GPC5: variants seen among roughly 807,000 people sequenced by gnomAD.
GPC5 encodes glypican 5, also known as glypican-5.
GPC5 carries 47 observed loss-of-function variants against 53.9 expected under a neutral mutation model. The ratio of observed to expected loss-of-function variants is 0.87; its 90% confidence interval spans 0.69 to 1.11. GPC5 has a LOEUF of 1.11. GPC5 is among the 50% of genes most tolerant of loss of function. The probability of loss-of-function intolerance (pLI) is 0.00; values close to 1 mark genes in which losing one functional copy is unlikely to be tolerated. For missense variants in GPC5, 748 were observed against 713.1 expected (o/e 1.05, Z -0.56); for synonymous variants, 286 against 263.3 (o/e 1.09, Z -0.84).
At chr13:92,520,157 A>C (rs1025887282) in intron 7 of GPC5, among the ~76,000 whole-genome samples, 6 of 152,214 alleles carry the variant, frequency 3.9e-5, no homozygotes, top group Non-Finnish European at 8.8e-5. Flanking sequence ...AACCAAAAAA[A>C]GTCCAGAACC....
At chr13:92,424,312 G>T (rs1248691744) in intron 7 of GPC5, among the ~76,000 whole-genome samples, 1 of 151,784 alleles carries the variant, frequency 6.6e-6, no homozygotes. Flanking sequence ...ATTAACATGG[G>T]TAGTATTTTA....
Position 92,192,441 on chromosome 13 carries a change from G to A in GPC5, c.1561+47452G>A, listed in dbSNP as rs1485376114. Among the ~76,000 whole-genome samples the A allele has an allele frequency of 2.6e-5, 4 of 152,150 alleles. No individual in the cohort carries two copies. The South Asian group carries it at 8.3e-4, about 32-fold the overall frequency. On this transcript the variant is annotated intron_variant, in intron 7 of 7. Coordinates refer to ENST00000377067, the MANE Select transcript of GPC5 (RefSeq NM_004466.6). Reference sequence around the variant, plus strand: ...ATACATATGGAGCTCATTTTTCAAGGAAATTATCCAACATTTTATGGACTA... The same window carrying A: ...ATACATATGGAGCTCATTTTTCAAGAAAATTATCCAACATTTTATGGACTA...
In GPC5 at chr13:91,920,460, A is replaced by G. The variant is rs369030893; in HGVS notation, c.1401+12403A>G. Among the ~76,000 whole-genome samples, 50 of 152,318 alleles carry G rather than the reference A, an allele frequency of 3.3e-4. 2 individuals are homozygous for G. In the East Asian group the frequency reaches 7.7e-3, roughly 23 times the overall value. ...TGTTGGAGAACAGAACTAAACTAAT[A>G]AAGAGAATGAATTTATCAAGTAAGT... On this transcript the variant is annotated intron_variant, in intron 6 of 7. Coordinates refer to ENST00000377067, the MANE Select transcript of GPC5 (RefSeq NM_004466.6).
At chr13:92,754,024 T>C (rs777780694) in intron 7 of GPC5, among the ~76,000 whole-genome samples, 4 of 152,074 alleles carry the variant, frequency 2.6e-5, no homozygotes, top group Admixed American at 6.5e-5. Context: ...AGACACATAA[T>C]TGTCAGATTC....
intron 7 of GPC5, among the ~76,000 whole-genome samples, chr13:92,830,266 C>G (rs148328110): frequency 6.6e-6 from 1 of 151,888 alleles, no homozygotes; most frequent in African/African-American, 2.4e-5. Flanking sequence ...TCTATCATAG[C>G]CAAAAATAAA....
chr13:92,203,136 CTTTTCA>C (rs1471228741), intron 7 of GPC5, among the ~76,000 whole-genome samples: 1 of 152,082 alleles, frequency 6.6e-6, no homozygotes, highest in East Asian at 1.9e-4. Context: ...ATTTTGCACA[CTTTTCA>C]TTTACTTTAA....
At chr13:92,738,686 T>G (rs1448658232) in intron 7 of GPC5, among the ~76,000 whole-genome samples, 1 of 152,116 alleles carries the variant, frequency 6.6e-6, no homozygotes, top group African/African-American at 2.4e-5. Context: ...TTTTAAATTT[T>G]CCTCAGGTTA....
chr13:92,282,540 G>A (rs1244671181), intron 7 of GPC5, among the ~76,000 whole-genome samples: 1 of 152,158 alleles, frequency 6.6e-6, no homozygotes, highest in Non-Finnish European at 1.5e-5. Flanking sequence ...CAGACTAACA[G>A]CGGATCTTTT....
Position 91,533,539 on chromosome 13 carries a change from G to C in GPC5, c.325+84617G>C, listed in dbSNP as rs1048936187. Among the ~76,000 whole-genome samples the C allele has an allele frequency of 2.6e-5, 4 of 152,122 alleles. No individual in the cohort carries two copies. The South Asian group carries it at 6.2e-4, about 24-fold the overall frequency. Reference sequence around the variant, plus strand: ...CTTTGGCCTTGTGGAACAGACAGTGGCGGGGAAGATAGATAATGAACAGCA... The same window carrying C: ...CTTTGGCCTTGTGGAACAGACAGTGCCGGGGAAGATAGATAATGAACAGCA... On this transcript the variant is annotated intron_variant, in intron 2 of 7. Coordinates refer to ENST00000377067, the MANE Select transcript of GPC5 (RefSeq NM_004466.6).
intron 7 of GPC5, among the ~76,000 whole-genome samples, chr13:92,673,941 A>G (rs1372714121): frequency 6.6e-6 from 1 of 152,202 alleles, no homozygotes; most frequent in Non-Finnish European, 1.5e-5. Context: ...TTGTAAAAAA[A>G]TGTTGATATT....
At chr13:92,131,769 G>T (rs540729804) in intron 6 of GPC5, among the ~76,000 whole-genome samples, 1 of 151,758 alleles carries the variant, frequency 6.6e-6, no homozygotes, top group African/African-American at 2.4e-5. Flanking sequence ...GTTTTTCCAT[G>T]TATATGAACC....
intron 7 of GPC5, among the ~76,000 whole-genome samples, chr13:92,604,482 G>A (rs923285960): frequency 6.6e-6 from 1 of 152,100 alleles, no homozygotes; most frequent in Admixed American, 6.5e-5. Context: ...GCCCTGTCTG[G>A]GCACCTAGAA....
At chr13:92,501,108 C>T (rs1317910590) in intron 7 of GPC5, among the ~76,000 whole-genome samples, 1 of 152,020 alleles carries the variant, frequency 6.6e-6, no homozygotes, top group Non-Finnish European at 1.5e-5. Context: ...AGGAAAATAA[C>T]ATCCCACATA....
chr13:91,640,328 A>C (rs1269677903), intron 2 of GPC5, among the ~76,000 whole-genome samples: 1 of 152,190 alleles, frequency 6.6e-6, no homozygotes, highest in Non-Finnish European at 1.5e-5. Flanking sequence ...AAAAGACATG[A>C]CAGATACTTC....
intron 7 of GPC5, among the ~76,000 whole-genome samples, chr13:92,484,169 A>C (rs1879466852): frequency 6.6e-6 from 1 of 152,054 alleles, no homozygotes; most frequent in Non-Finnish European, 1.5e-5. Context: ...CTGGGCCTGC[A>C]CAAGGTCAAG....
intron 6 of GPC5, among the ~76,000 whole-genome samples, chr13:92,117,613 T>C (rs540072888): frequency 7.2e-5 from 11 of 152,202 alleles, no homozygotes; most frequent in Non-Finnish European, 1.6e-4. Context: ...TTCAACTTCA[T>C]GAATACCATG....
At chr13:92,097,602 T>C (rs1306319243) in intron 6 of GPC5, among the ~76,000 whole-genome samples, 1 of 152,222 alleles carries the variant, frequency 6.6e-6, no homozygotes, top group Non-Finnish European at 1.5e-5. Flanking sequence ...AAGAAATATC[T>C]GTGGACAAGC....
chr13:91,555,416 T>C (rs181738328), intron 2 of GPC5, among the ~76,000 whole-genome samples: 10 of 151,358 alleles, frequency 6.6e-5, no homozygotes, highest in Non-Finnish European at 1.2e-4. Flanking sequence ...CATGACTAAC[T>C]GCACGTGTTT....
At chr13:92,833,492 G>C (rs910786043) in intron 7 of GPC5, among the ~76,000 whole-genome samples, 1 of 152,036 alleles carries the variant, frequency 6.6e-6, no homozygotes, top group African/African-American at 2.4e-5. Flanking sequence ...TCACTCACTT[G>C]TTCATTAATG....
Sources: allele counts gnomAD v4.1 joint callset (sites outside exome capture counted in the v4.1 genomes callset), GRCh38; gene constraint gnomAD v4.1.1; transcripts MANE v1.5; gene names NCBI Gene and HGNC (gene_info 2026-07-23, HGNC 2026-07-21).